The following BCAR1 variants were observed in gnomAD, a reference collection of about 807,000 sequenced individuals.
BCAR1 encodes the protein breast cancer anti-estrogen resistance protein 1.
BCAR1 carries 30 observed loss-of-function variants against 67.6 expected under a neutral mutation model. The ratio of observed to expected loss-of-function variants is 0.44; its 90% CI spans 0.33 to 0.60. The LOEUF is 0.60. BCAR1 is among the 20% of genes least tolerant of loss of function. The pLI is 0.02. For missense variants in BCAR1, 1,313 were observed against 1,222.3 expected, an observed-to-expected ratio of 1.07 and a Z score of -1.11; for synonymous variants, 626 against 556.7, an observed-to-expected ratio of 1.12 and a Z score of -1.75.
chr16:75,245,198 G>C (rs917479307), intron 1 of BCAR1, among the ~76,000 whole-genome samples: 3 of 152,168 alleles, frequency 2.0e-5, no homozygotes, highest in African/African-American at 7.2e-5. Flanking sequence ...TCTGCAGCCT[G>C]CCTCTGGGAA....
rs751023361 is a variant in BCAR1 at position 75,237,305 on chromosome 16, C to T, written c.673G>A (p.Glu225Lys). 10 of 1,522,714 alleles carry T rather than the reference C, an allele frequency of 6.6e-6. No individual in the cohort carries two copies. Among genetic ancestry groups the T allele is most frequent in the African/African-American group, 2.8e-5 (2 of 71,476 alleles). 94.3% of individuals were successfully genotyped at this position (1,522,714 alleles called of 1,614,324 possible). Residue 225 changes from glutamate (E) to lysine (K), a missense_variant, in exon 3 of 7, where the codon GAG (glutamate) becomes AAG (lysine). Transcript: ENST00000162330. ...PTRVGQGYVYEAAQPEQDEYD... is the reference protein window; with the variant it reads ...PTRVGQGYVYKAAQPEQDEYD... ...TCGTCCTGCTCCGGCTGGGCGGCCTCGTATACATAGCCCTGCCCCACGCGG... is the reference window on the plus strand; with the variant it reads ...TCGTCCTGCTCCGGCTGGGCGGCCTTGTATACATAGCCCTGCCCCACGCGG...
chr16:75,234,412 A>C (rs940549026), intron 5 of BCAR1, among the ~76,000 whole-genome samples: 53 of 151,782 alleles, frequency 3.5e-4, no homozygotes, highest in African/African-American at 1.3e-3. Flanking sequence ...ATCACACCCA[A>C]TCCCTCCCCC....
chr16:75,236,835 C>A (rs373876733), intron 4 of BCAR1, 47 bp downstream of exon 4: 19 of 1,596,396 alleles, frequency 1.2e-5, no homozygotes, highest in Non-Finnish European at 1.6e-5. Context: ...CACCCAGACA[C>A]CCCACAGCCT....
At chr16:75,249,258 A>C (rs1013673975) in intron 1 of BCAR1, 72 of 152,398 alleles carry the variant, frequency 4.7e-4, no homozygotes, top group African/African-American at 1.5e-3. Flanking sequence ...CACCAGGCCC[A>C]GAATAGGGGT....
In BCAR1 at chr16:75,243,305, C is replaced by T. The variant is rs1046871608; in HGVS notation, c.13-215G>A. Among the ~76,000 whole-genome samples the T allele has an allele frequency of 2.0e-5, 3 of 152,124 alleles. No individual in the cohort carries two copies. In the South Asian group the frequency reaches 6.2e-4, roughly 32 times the overall value. On this transcript the variant is annotated intron_variant, in intron 1 of 6. Coordinates refer to ENST00000162330, the MANE Select transcript of BCAR1 (RefSeq NM_014567.5). ...GATCCTGGCCTTTCTTTCAACTGCACCTGTATAGCACCTCAAAATCCTCTT... is the reference window on the plus strand; with the variant it reads ...GATCCTGGCCTTTCTTTCAACTGCATCTGTATAGCACCTCAAAATCCTCTT...
At chr16:75,249,721 T>A (rs1335785232) in intron 1 of BCAR1, 4 of 152,136 alleles carry the variant, frequency 2.6e-5, no homozygotes, top group Non-Finnish European at 5.9e-5. Context: ...TAGGACCTCC[T>A]AAAGGGACAG....
chr16:75,252,121 C>A, upstream of BCAR1: 4 of 1,412,226 alleles, frequency 2.8e-6, no homozygotes, highest in Non-Finnish European at 3.9e-6. Context: ...CGAATCATCA[C>A]CACCACAGCT....
At chr16:75,259,033 C>T (rs756315088) in intron 1 of BCAR1, among the ~76,000 whole-genome samples, 25 of 152,200 alleles carry the variant, frequency 1.6e-4, no homozygotes, top group Non-Finnish European at 3.1e-4. Context: ...TAGAAACCTC[C>T]CAACCAGGAC....
intron 1 of BCAR1, among the ~76,000 whole-genome samples, chr16:75,262,050 T>C (rs1308883468): frequency 2.0e-5 from 3 of 151,580 alleles, no homozygotes; most frequent in African/African-American, 7.3e-5. Context: ...CTCAGGGAGG[T>C]TCAGTAACTC....
chr16:75,232,326 A>T (rs2076928572), intron 6 of BCAR1, among the ~76,000 whole-genome samples: 1 of 149,916 alleles, frequency 6.7e-6, no homozygotes, highest in Non-Finnish European at 1.5e-5. Flanking sequence ...ATGCTGGCCA[A>T]TTTTTGTATT....
At chr16:75,263,968 G>T in intron 1 of BCAR1, 1 of 1,151,738 alleles carries the variant, frequency 8.7e-7, no homozygotes, top group Non-Finnish European at 1.1e-6. Flanking sequence ...CTGCCAGCCA[G>T]CCACGTAGGG....
intron 1 of BCAR1, chr16:75,249,948 C>A (rs576111298): frequency 2.6e-5 from 4 of 152,296 alleles, no homozygotes; most frequent in African/African-American, 9.6e-5. Flanking sequence ...TCTCTCTGTA[C>A]CTCAGTGTCC....
intron 1 of BCAR1, chr16:75,266,088 C>G (rs957444889): frequency 2.0e-6 from 2 of 994,454 alleles, no homozygotes; most frequent in South Asian, 4.7e-5. Context: ...AGGCCTTTTT[C>G]TGTCGGCCCA....
intron 1 of BCAR1, chr16:75,263,901 C>A: frequency 9.5e-7 from 1 of 1,050,684 alleles, no homozygotes; most frequent in Non-Finnish European, 1.1e-6. Context: ...GAATTCTCCT[C>A]TTGGCCCCAC....
chr16:75,266,704 G>T, intron 1 of BCAR1: 1 of 1,387,920 alleles, frequency 7.2e-7, no homozygotes, highest in Non-Finnish European at 9.5e-7. Flanking sequence ...CAGGCACTGA[G>T]ATCCCTCACC....
At chr16:75,255,057 A>G (rs2077746168), upstream of BCAR1, among the ~76,000 whole-genome samples, 1 of 152,254 alleles carries the variant, frequency 6.6e-6, no homozygotes, top group Admixed American at 6.5e-5. Context: ...CTCACCTATC[A>G]ATGCTAATTC....
chr16:75,248,369 T>G, intron 1 of BCAR1: 1 of 1,266,706 alleles, frequency 7.9e-7, no homozygotes, highest in Non-Finnish European at 1.0e-6. Context: ...TGGGCCAAGT[T>G]TATTTCTGGG....
At chr16:75,239,730 G>A (rs146321658) in intron 2 of BCAR1, among the ~76,000 whole-genome samples, 4 of 152,088 alleles carry the variant, frequency 2.6e-5, no homozygotes, top group South Asian at 2.1e-4. Context: ...GGGCTCACCC[G>A]ACCTGGGTCA....
In BCAR1 at chr16:75,242,450, C is replaced by T; in HGVS notation, c.633+20G>A. 7.0e-7 allele frequency: 1 copy of T among 1,426,836 alleles called. No individual in the cohort carries two copies. Among genetic ancestry groups the T allele is most frequent in the Non-Finnish European group, 9.2e-7 (1 of 1,090,074 alleles). 88.4% of individuals were successfully genotyped at this position (1,426,836 alleles called of 1,614,324 possible). A position where few individuals can be genotyped will look rare whatever the true frequency, so the allele number is the denominator to read the frequency against. On this transcript the variant is annotated intron_variant, in intron 2 of 6. Transcript: ENST00000162330. ...GGGCTATACCTGTGTGGCTGCACAACTGTGCCAGGACAGCCTTACCTTTGC... is the reference window on the plus strand; with the variant it reads ...GGGCTATACCTGTGTGGCTGCACAATTGTGCCAGGACAGCCTTACCTTTGC...
Sources: allele counts gnomAD v4.1 joint callset (sites outside exome capture counted in the v4.1 genomes callset), GRCh38; gene constraint gnomAD v4.1.1; transcripts MANE v1.5; gene names NCBI Gene and HGNC (gene_info 2026-07-23, HGNC 2026-07-21).